Variants in DENND6A observed in about 807,000 individuals in gnomAD.
DENND6A encodes protein DENND6A.
DENND6A carries 43 observed loss-of-function variants against 95.5 expected under a neutral mutation model. The ratio of observed to expected loss-of-function variants is 0.45; its 90% CI spans 0.35 to 0.58. DENND6A has a LOEUF of 0.58. Ranked by LOEUF, DENND6A falls within the 20% of genes least tolerant of loss-of-function variation. The probability of loss-of-function intolerance (pLI) is 0.00; values close to 1 mark genes in which losing one functional copy is unlikely to be tolerated. For missense variants in DENND6A, 574 were observed against 736.0 expected, an observed-to-expected ratio of 0.78 and a Z score of 2.55; for synonymous variants, 257 against 260.4, an observed-to-expected ratio of 0.99 and a Z score of 0.13.
rs1338033370 is a variant in DENND6A, at chr3:57,630,512, T to G, written c.1529A>C (p.Lys510Thr). Residue 510 changes from lysine to threonine, a missense_variant, in exon 18 of 20, where the codon AAG (lysine) becomes ACG (threonine). Lys to Thr is a moderately conservative substitution (Grantham distance 78, BLOSUM62 -1). Around this residue, in one of 2 missense-constraint regions of DENND6A, gnomAD observed 452 missense variants for 630.9 expected, o/e 0.72. Transcript: ENST00000311128. ...AAACCAGCCATCAAAATTTGGAGAC[T>G]TTAGGAAATGCCTATAAAAATACAT... is the stretch of plus-strand genomic sequence containing the variant. ...DWIGLYRHFL[K>T]SPNFDGWFKT... 2.5e-6 allele frequency: 4 copies of G among 1,588,310 alleles called. No individual in the cohort carries two copies. The highest frequency in any genetic ancestry group is 3.4e-6 in the Non-Finnish European group (4 of 1,174,438).
chr3:57,669,805 T>A (rs1439732553), intron 3 of DENND6A, among the ~76,000 whole-genome samples: 1 of 150,464 alleles, frequency 6.6e-6, no homozygotes, highest in Non-Finnish European at 1.5e-5. Context: ...GCGAATCACT[T>A]GAGGTCGGGA....
chr3:57,663,629 C>T lies in DENND6A; in HGVS notation c.513+7G>A. 2 of 1,582,786 alleles carry T rather than the reference C, an allele frequency of 1.3e-6. No individual in the cohort carries two copies. The highest frequency in any genetic ancestry group is 1.7e-6 in the Non-Finnish European group (2 of 1,162,554). On this transcript the variant is annotated splice_region_variant and intron_variant, in intron 5 of 19. Transcript: ENST00000311128. ...ATACTTTTTTTATTAGTGTGTATGA[C>T]AATTACCTTCTGAAAGTAGCCTCTT...
At chr3:57,637,918 G>A (rs950152683) in intron 12 of DENND6A, among the ~76,000 whole-genome samples, 3 of 151,920 alleles carry the variant, frequency 2.0e-5, no homozygotes, top group South Asian at 2.1e-4. Flanking sequence ...AGTGGATCAC[G>A]AGGTCAGGAA....
chr3:57,660,951 G>A, intron 6 of DENND6A, 112 bp from the exon 7 acceptor site: 4 of 891,320 alleles, frequency 4.5e-6, no homozygotes, highest in East Asian at 3.1e-5. Flanking sequence ...AAATATACCT[G>A]GAAGAATGAG....
intron 1 of DENND6A, among the ~76,000 whole-genome samples, chr3:57,673,891 T>A (rs146473052): frequency 2.6e-5 from 4 of 152,198 alleles, no homozygotes; most frequent in African/African-American, 9.6e-5. Flanking sequence ...TGCCTCAGCC[T>A]CCTGAGTAGC....
At chr3:57,684,731 T>TG (rs1191646166) in intron 1 of DENND6A, among the ~76,000 whole-genome samples, 3 of 152,196 alleles carry the variant, frequency 2.0e-5, no homozygotes, top group African/African-American at 7.2e-5. Context: ...TGCAGTGCAC[T>TG]GTAGCCTGGT....
At position 57,683,179 on chromosome 3, in the gene DENND6A, T is replaced by C. The variant is rs532788545; in HGVS notation, c.237+9603A>G. On this transcript the variant is annotated intron_variant, in intron 1 of 19. Transcript: ENST00000311128. Reference sequence around the variant, plus strand: ...ACCCTCATACTGATCCTGTATTACTTACAAAGGACGCTTAAGGTTAGGTAG... The same window carrying C: ...ACCCTCATACTGATCCTGTATTACTCACAAAGGACGCTTAAGGTTAGGTAG... Among the ~76,000 whole-genome samples, 4 of 152,262 alleles carry C rather than the reference T, an allele frequency of 2.6e-5. No individual in the cohort carries two copies. The South Asian group carries it at 6.2e-4, about 24-fold the overall frequency.
chr3:57,685,879 G>C (rs544967647), intron 1 of DENND6A, among the ~76,000 whole-genome samples: 1 of 152,136 alleles, frequency 6.6e-6, no homozygotes, highest in South Asian at 2.1e-4. Context: ...CCCCTGAAAC[G>C]GTCTCAGAGA....
At chr3:57,653,150 A>G (rs183955949) in intron 9 of DENND6A, among the ~76,000 whole-genome samples, 6 of 152,244 alleles carry the variant, frequency 3.9e-5, no homozygotes, top group South Asian at 2.1e-4. Context: ...TGTACTTACT[A>G]CTTTTCTGTT....
In DENND6A at chr3:57,660,870, A is replaced by G. The variant is rs1202558969; in HGVS notation, c.620-31T>C. The G allele has an allele frequency of 4.6e-6, 7 of 1,521,822 alleles. No homozygotes were observed. In the African/African-American group the frequency reaches 8.5e-5, roughly 19 times the overall value. 94.3% of individuals were successfully genotyped at this position (1,521,822 alleles called of 1,614,324 possible). A position where few individuals can be genotyped will look rare whatever the true frequency, so the allele number is the denominator to read the frequency against. On this transcript the variant is annotated intron_variant, in intron 6 of 19. Coordinates refer to ENST00000311128, the MANE Select transcript of DENND6A (RefSeq NM_152678.3). ...AAATATAATAAAATATTTTCTTAGAATAAGTGAAAATATCAAAGTATTAAA... is the reference window on the plus strand; with the variant it reads ...AAATATAATAAAATATTTTCTTAGAGTAAGTGAAAATATCAAAGTATTAAA...
intron 1 of DENND6A, among the ~76,000 whole-genome samples, chr3:57,681,420 C>T (rs978795644): frequency 9.9e-5 from 15 of 151,488 alleles, no homozygotes; most frequent in South Asian, 6.3e-4. Flanking sequence ...GCCGAGATCA[C>T]GCCACTGCAC....
intron 1 of DENND6A, among the ~76,000 whole-genome samples, chr3:57,687,581 T>C (rs1278270622): frequency 2.0e-5 from 3 of 152,212 alleles, no homozygotes; most frequent in South Asian, 2.1e-4. Context: ...TGGAAGACTA[T>C]GCCCTCTAAG....
intron 1 of DENND6A, among the ~76,000 whole-genome samples, chr3:57,688,752 T>G (rs2077233952): frequency 2.0e-5 from 3 of 152,034 alleles, no homozygotes; most frequent in African/African-American, 7.2e-5. Context: ...CATCCTTGCT[T>G]CCCACACACT....
intron 15 of DENND6A, among the ~76,000 whole-genome samples, chr3:57,631,868 G>A (rs1273736760): frequency 6.6e-6 from 1 of 150,426 alleles, no homozygotes; most frequent in Non-Finnish European, 1.5e-5. Flanking sequence ...GATTACAGGC[G>A]CCCACCACCA....
intron 1 of DENND6A, among the ~76,000 whole-genome samples, chr3:57,681,797 C>T (rs563821043): frequency 1.3e-5 from 2 of 152,000 alleles, no homozygotes; most frequent in African/African-American, 4.8e-5. Flanking sequence ...GATTCCACTC[C>T]CATGAAAAGC....
At chr3:57,635,730 TATG>T (rs925023769) in intron 12 of DENND6A, among the ~76,000 whole-genome samples, 1 of 152,182 alleles carries the variant, frequency 6.6e-6, no homozygotes, top group Non-Finnish European at 1.5e-5. Flanking sequence ...ATTTTAAGAG[TATG>T]TATTATGATA....
intron 10 of DENND6A, among the ~76,000 whole-genome samples, chr3:57,646,076 G>A (rs938629165): frequency 2.0e-5 from 3 of 152,166 alleles, no homozygotes; most frequent in African/African-American, 4.8e-5. Context: ...ATGAATCAAT[G>A]TGCCTGCCAC....
intron 7 of DENND6A, 74 bp downstream of exon 7, chr3:57,660,686 T>C: frequency 7.5e-7 from 1 of 1,332,236 alleles, no homozygotes; most frequent in Non-Finnish European, 1.0e-6. Context: ...CCAGCCTGGG[T>C]GACAGCACAA....
At chr3:57,648,172 CA>C (rs1195625556) in intron 9 of DENND6A, among the ~76,000 whole-genome samples, 6 of 152,102 alleles carry the variant, frequency 3.9e-5, no homozygotes, top group Non-Finnish European at 8.8e-5. Context: ...TTTCCGAATA[CA>C]AAATTAATGT....
Sources: gnomAD v4.1 joint callset for allele counts (sites outside exome capture counted in the v4.1 genomes callset) on GRCh38, gnomAD v4.1.1 for gene constraint, gnomAD v4.1.1 regional missense constraint, MANE v1.5 for transcripts, NCBI Gene and HGNC (gene_info 2026-07-23, HGNC 2026-07-21) for gene names.